RPS6KC1: variants seen among roughly 807,000 people sequenced by gnomAD.
The protein encoded by RPS6KC1 is inactive ribosomal protein S6 kinase delta-1.
Under a neutral mutation model 103.8 loss-of-function variants are expected in RPS6KC1, and 54 were observed. The ratio of observed to expected loss-of-function variants is 0.52; its 90% CI spans 0.42 to 0.65. RPS6KC1 has a LOEUF of 0.65. Ranked by LOEUF, RPS6KC1 falls within the 30% of genes least tolerant of loss-of-function variation. The pLI, the probability that RPS6KC1 is intolerant of heterozygous loss-of-function variation, is 0.00. For synonymous variants in RPS6KC1, 439 were observed against 438.7 expected, an observed-to-expected ratio of 1.00 and a Z score of -0.01; for missense variants, 1,151 against 1,253.8, an observed-to-expected ratio of 0.92 and a Z score of 1.24.
chr1:213,824,306 C>G, the RPS6KC1 span, among the ~76,000 whole-genome samples: 1 of 152,194 alleles, frequency 6.6e-6, no homozygotes, highest in African/African-American at 2.4e-5. Flanking sequence ...ACACGTTTGC[C>G]TCACATCTTC....
chr1:213,860,735 A>G, the RPS6KC1 span, among the ~76,000 whole-genome samples: 1 of 152,302 alleles, frequency 6.6e-6, no homozygotes, highest in African/African-American at 2.4e-5. Context: ...AGAAAAGCAG[A>G]AGACGCAGCC....
chr1:213,534,191 C>T, the RPS6KC1 span, among the ~76,000 whole-genome samples: 7,997 of 152,268 alleles, frequency 0.053, 647 homozygotes, highest in African/African-American at 0.17. Context: ...TTAGTGATGT[C>T]TGTCACAGAC....
chr1:213,682,285 A>G, the RPS6KC1 span, among the ~76,000 whole-genome samples: 8 of 152,256 alleles, frequency 5.3e-5, no homozygotes, highest in East Asian at 1.5e-3. Flanking sequence ...TTTTTTTCAC[A>G]TTGATTTATC....
chr1:213,073,240 G>A (rs966686562), intron 2 of RPS6KC1, among the ~76,000 whole-genome samples: 1 of 152,076 alleles, frequency 6.6e-6, no homozygotes. Flanking sequence ...TACTGCTTTA[G>A]ACTATATAGT....
chr1:213,159,504 AAG>A (rs1308744631), intron 6 of RPS6KC1, among the ~76,000 whole-genome samples: 1 of 152,238 alleles, frequency 6.6e-6, no homozygotes, highest in Admixed American at 6.5e-5. Flanking sequence ...TTGCTTAAAA[AAG>A]AGTTATAATT....
chr1:213,173,754 C>T (rs2091657466), intron 7 of RPS6KC1, among the ~76,000 whole-genome samples: 1 of 152,200 alleles, frequency 6.6e-6, no homozygotes, highest in African/African-American at 2.4e-5. Context: ...CTTATCTTCT[C>T]AAATGGTGAA....
At chr1:213,760,917 A>G in the RPS6KC1 span, among the ~76,000 whole-genome samples, 1 of 146,302 alleles carries the variant, frequency 6.8e-6, no homozygotes, top group Non-Finnish European at 1.5e-5. Flanking sequence ...ACAGAAAATG[A>G]TGATCATCGC....
chr1:213,088,539 T>C (rs756451133), intron 3 of RPS6KC1, among the ~76,000 whole-genome samples: 1 of 152,058 alleles, frequency 6.6e-6, no homozygotes, highest in Non-Finnish European at 1.5e-5. Context: ...GTATTTTTAA[T>C]AGAGATGGGG....
At chr1:213,712,640 G>A in the RPS6KC1 span, among the ~76,000 whole-genome samples, 2 of 152,182 alleles carry the variant, frequency 1.3e-5, no homozygotes, top group Non-Finnish European at 2.9e-5. Context: ...GGGCCCTGGT[G>A]GTGTAGGCAC....
At chr1:213,778,246 T>A in the RPS6KC1 span, among the ~76,000 whole-genome samples, 1 of 152,200 alleles carries the variant, frequency 6.6e-6, no homozygotes, top group Non-Finnish European at 1.5e-5. Flanking sequence ...AATGAAAGTA[T>A]TTGATCTGTC....
chr1:213,229,608 G>GT, intron 8 of RPS6KC1, among the ~76,000 whole-genome samples: 1 of 151,810 alleles, frequency 6.6e-6, no homozygotes, highest in Non-Finnish European at 1.5e-5. Context: ...TGCTACAGTA[G>GT]TTTTTCCAAA....
the RPS6KC1 span, among the ~76,000 whole-genome samples, chr1:213,383,039 G>A: frequency 1.3e-5 from 2 of 152,274 alleles, no homozygotes; most frequent in African/African-American, 2.4e-5. Flanking sequence ...GTGCATAAGC[G>A]AAGCCTCTTG....
At chr1:213,148,441 GTT>G (rs2088157473) in intron 6 of RPS6KC1, among the ~76,000 whole-genome samples, 1 of 152,012 alleles carries the variant, frequency 6.6e-6, no homozygotes, top group African/African-American at 2.4e-5. Flanking sequence ...TAATTATTTG[GTT>G]TTTATCTTTC....
the RPS6KC1 span, among the ~76,000 whole-genome samples, chr1:213,502,225 C>T: frequency 6.6e-6 from 1 of 152,174 alleles, no homozygotes; most frequent in African/African-American, 2.4e-5. Flanking sequence ...TGGTGCCTTC[C>T]ATCCTCTATC....
chr1:213,139,819 T>G (rs1172807414), intron 6 of RPS6KC1, among the ~76,000 whole-genome samples: 1 of 152,112 alleles, frequency 6.6e-6, no homozygotes, highest in African/African-American at 2.4e-5. Context: ...TTGCTTTGGC[T>G]ATTCAGGCTC....
the RPS6KC1 span, among the ~76,000 whole-genome samples, chr1:213,529,455 T>A: frequency 6.6e-6 from 1 of 152,200 alleles, no homozygotes; most frequent in Non-Finnish European, 1.5e-5. Context: ...TACATTTTTT[T>A]AACCTGGCAA....
chr1:213,850,011 G>C, the RPS6KC1 span, among the ~76,000 whole-genome samples: 13 of 151,674 alleles, frequency 8.6e-5, no homozygotes, highest in South Asian at 6.2e-4. Context: ...TATTCTCATG[G>C]GTTTTCTAGG....
At chr1:213,694,299 A>G in the RPS6KC1 span, among the ~76,000 whole-genome samples, 1 of 152,326 alleles carries the variant, frequency 6.6e-6, no homozygotes, top group East Asian at 1.9e-4. Flanking sequence ...ACAGACAGAA[A>G]GCACATTCCT....
chr1:213,661,698 A>G, the RPS6KC1 span, among the ~76,000 whole-genome samples: 8 of 152,360 alleles, frequency 5.3e-5, no homozygotes, highest in East Asian at 1.4e-3. Context: ...AAGAAGACAC[A>G]TCAGCCATCT....
Sources: allele counts gnomAD v4.1 joint callset (sites outside exome capture counted in the v4.1 genomes callset), GRCh38; gene constraint gnomAD v4.1.1; transcripts MANE v1.5; gene names NCBI Gene and HGNC (gene_info 2026-07-23, HGNC 2026-07-21).